FERMT1: variants seen among roughly 807,000 people sequenced by gnomAD.
The protein encoded by FERMT1 is fermitin family homolog 1.
FERMT1 carries 60 observed loss-of-function variants against 85.3 expected under a neutral mutation model. The observed-to-expected ratio is 0.70, with a 90% confidence interval of 0.57 to 0.87. The LOEUF (loss-of-function observed/expected upper bound fraction) is 0.87, where lower values mean the gene tolerates loss of function less well. Among genes scored for constraint, FERMT1 ranks in the 40% least tolerant of loss-of-function variants. The probability of loss-of-function intolerance (pLI) is 0.00; values close to 1 mark genes in which losing one functional copy is unlikely to be tolerated. For missense variants in FERMT1, 701 were observed against 818.9 expected, an observed-to-expected ratio of 0.86 and a Z score of 1.76; for synonymous variants, 275 against 301.1, an observed-to-expected ratio of 0.91 and a Z score of 0.90.
rs747453787 is a variant in FERMT1 at position 6,087,780 on chromosome 20, G to A, written c.1368C>T (p.Asp456=). The change falls in exon 11 of 15, where the codon GAC becomes GAT. Residue 456 remains aspartate, a synonymous_variant. Coordinates refer to ENST00000217289, the MANE Select transcript of FERMT1 (RefSeq NM_017671.5). ...DGMNEMYLRC[D]HENQYAQWMA... ...ATATTTTTGGGGTTTTACTCACATG[G>A]TCACATCTCAAATACATTTCATTCA... 6.4e-7 allele frequency: 1 copy of A among 1,562,076 alleles called. No homozygotes were observed. The highest frequency in any genetic ancestry group is 2.2e-5 in the East Asian group (1 of 44,632).
intron 9 of FERMT1, among the ~76,000 whole-genome samples, chr20:6,092,154 C>G (rs191705006): frequency 2.6e-5 from 4 of 152,082 alleles, no homozygotes; most frequent in Admixed American, 2.6e-4. Context: ...ATTTTTGCAA[C>G]TACATATGTT....
At chr20:6,088,603 C>A (rs1009913248) in intron 10 of FERMT1, among the ~76,000 whole-genome samples, 7 of 150,984 alleles carry the variant, frequency 4.6e-5, no homozygotes, top group Admixed American at 1.3e-4. Context: ...GGTGTCGAAA[C>A]CCTGACTTTA....
rs143133084 is a variant in FERMT1, at chr20:6,086,265, G to A, written c.1372-978C>T. On this transcript the variant is annotated intron_variant, in intron 11 of 14. Transcript: ENST00000217289. ...TTTTCATATCACATCTGGTCTCTAC[G>A]CCCAAAAGAAAATGATGAAAAAAAT... Among the ~76,000 whole-genome samples the A allele has an allele frequency of 6.2e-4, 94 of 152,124 alleles. 1 individual carries two copies. Among genetic ancestry groups the A allele is most frequent in the African/African-American group, 2.2e-3 (90 of 41,492 alleles).
chr20:6,121,541 C>G (rs1171480916), intron 1 of FERMT1, among the ~76,000 whole-genome samples: 1 of 152,282 alleles, frequency 6.6e-6, no homozygotes, highest in Non-Finnish European at 1.5e-5. Flanking sequence ...TTAGGCCTAA[C>G]TGCTTGCCTC....
rs1322620463 is a variant in FERMT1 at position 6,119,391 on chromosome 20, A to T, written c.151+13T>A. On this transcript the variant is annotated intron_variant, in intron 2 of 14. Coordinates refer to ENST00000217289, the MANE Select transcript of FERMT1 (RefSeq NM_017671.5). ...TTCTAATACAGAGAAACCGTAAAGC[A>T]AGAGTAACTTACTGATCTGTTCTAC... 1 of 1,613,688 alleles carries T rather than the reference A, an allele frequency of 6.2e-7. No individual in the cohort carries two copies. The highest frequency in any genetic ancestry group is 1.7e-5 in the Admixed American group (1 of 60,008).
At chr20:6,084,274 C>G (rs1982100271) in intron 12 of FERMT1, 110 bp from the exon 13 acceptor site, 1 of 1,192,632 alleles carries the variant, frequency 8.4e-7, no homozygotes. Context: ...CCGTCTGCAG[C>G]TCTACAAAGA....
chr20:6,099,575 G>A (rs895692486), intron 6 of FERMT1, among the ~76,000 whole-genome samples: 4 of 152,072 alleles, frequency 2.6e-5, no homozygotes, highest in African/African-American at 7.2e-5. Flanking sequence ...GTAGAATAGA[G>A]ATTACCAGGG....
At chr20:6,102,205 A>G (rs1277713117) in intron 6 of FERMT1, among the ~76,000 whole-genome samples, 1 of 151,956 alleles carries the variant, frequency 6.6e-6, no homozygotes, top group Non-Finnish European at 1.5e-5. Context: ...TCCAGAGACA[A>G]TGCTGCATCA....
At chr20:6,085,415 C>T in intron 11 of FERMT1, 128 bp from the exon 12 acceptor site, 2 of 800,306 alleles carry the variant, frequency 2.5e-6, no homozygotes, top group East Asian at 2.6e-5. Context: ...TGTGAAGTGG[C>T]ACACGTTGTG....
chr20:6,096,801 T>TTTTA, intron 8 of FERMT1, 101 bp downstream of exon 8: 1 of 925,438 alleles, frequency 1.1e-6, no homozygotes, highest in South Asian at 1.5e-5. Flanking sequence ...TTTTTTTTTT[T>TTTTA]CAAAATCAGA....
At chr20:6,118,476 T>C (rs992754752) in intron 2 of FERMT1, among the ~76,000 whole-genome samples, 6 of 152,276 alleles carry the variant, frequency 3.9e-5, no homozygotes, top group African/African-American at 1.2e-4. Context: ...TGAAAATCCA[T>C]TGAACTGTTT....
chr20:6,087,832 T>G lies in FERMT1; in HGVS notation c.1316A>C (p.Lys439Thr). ...VNVAGRKFGI[K>T]LLIPVADGMN... ...ACCATCGGCAACAGGGATTAGTAAC[T>G]TGATTCCAAATTTTCTTCCTGCTAC... Residue 439 changes from lysine to threonine, a missense_variant, in exon 11 of 15, where the codon AAG (lysine) becomes ACG (threonine). Transcript: ENST00000217289. 1 of 1,612,832 alleles carries G rather than the reference T, an allele frequency of 6.2e-7. No homozygotes were observed. Among genetic ancestry groups the G allele is most frequent in the South Asian group, 1.1e-5 (1 of 91,056 alleles).
At chr20:6,096,772 T>C in intron 8 of FERMT1, 130 bp downstream of exon 8, 1 of 1,062,594 alleles carries the variant, frequency 9.4e-7, no homozygotes, top group East Asian at 2.5e-5. Context: ...GCTTGTTAGG[T>C]GAAGAGCATC....
chr20:6,078,778 C>T (rs761935722), intron 14 of FERMT1, among the ~76,000 whole-genome samples: 16 of 152,032 alleles, frequency 1.1e-4, no homozygotes, highest in Non-Finnish European at 1.6e-4. Context: ...TTTAAATTAG[C>T]GGCAGGATGC....
chr20:6,111,854 A>T (rs1032601926), intron 4 of FERMT1, among the ~76,000 whole-genome samples: 1 of 147,518 alleles, frequency 6.8e-6, no homozygotes, highest in East Asian at 2.1e-4. Flanking sequence ...GATTTAACTT[A>T]TCTTTTTTCT....
At chr20:6,100,802 C>T (rs971334458) in intron 6 of FERMT1, among the ~76,000 whole-genome samples, 1 of 151,628 alleles carries the variant, frequency 6.6e-6, no homozygotes, top group African/African-American at 2.4e-5. Flanking sequence ...TAAAAAATAT[C>T]CTAAAGAAGG....
At chr20:6,077,688 A>T (rs6139910) in intron 14 of FERMT1, among the ~76,000 whole-genome samples, 5 of 148,412 alleles carry the variant, frequency 3.4e-5, no homozygotes, top group Admixed American at 2.7e-4. Flanking sequence ...TTTTATTTTT[A>T]TTTTTTTTTT....
At position 6,085,812 on chromosome 20, in the gene FERMT1, G is replaced by A. The variant is rs370886481; in HGVS notation, c.1372-525C>T. ...TGCAGTGAGCCAAGATTGCACAAAC[G>A]CACTCGAGCCTGGGCGACAGAACAA... On this transcript the variant is annotated intron_variant, in intron 11 of 14. Transcript: ENST00000217289. Among the ~76,000 whole-genome samples, 13 of 150,770 alleles carry A rather than the reference G, an allele frequency of 8.6e-5. No homozygotes were observed. In the South Asian group the frequency reaches 1.5e-3, roughly 17 times the overall value.
chr20:6,083,655 A>AC (rs1555799162), intron 13 of FERMT1, among the ~76,000 whole-genome samples: 2,404 of 66,966 alleles, frequency 0.036, 73 homozygotes, highest in African/African-American at 0.096. Flanking sequence ...AAAATGAGAC[A>AC]CCCCCCCCCC....
Sources: allele counts gnomAD v4.1 joint callset (sites outside exome capture counted in the v4.1 genomes callset), GRCh38; gene constraint gnomAD v4.1.1; transcripts MANE v1.5; gene names NCBI Gene and HGNC (gene_info 2026-07-23, HGNC 2026-07-21).